Variants in CFAP61 observed in about 807,000 individuals in gnomAD.
CFAP61 encodes cilia and flagella associated protein 61, also known as cilia- and flagella-associated protein 61.
A neutral mutation model predicts 135.6 loss-of-function variants in CFAP61; 107 were observed. The ratio of observed to expected loss-of-function variants is 0.79; its 90% confidence interval spans 0.67 to 0.93. CFAP61 has a LOEUF of 0.93. CFAP61 is among the 40% of genes least tolerant of loss of function. The probability of loss-of-function intolerance (pLI) is 0.00; values close to 1 mark genes in which losing one functional copy is unlikely to be tolerated. For missense variants in CFAP61, 1,507 were observed against 1,556.2 expected, an observed-to-expected ratio of 0.97 and a Z score of 0.53; for synonymous variants, 575 against 578.5, an observed-to-expected ratio of 0.99 and a Z score of 0.09.
intron 13 of CFAP61, among the ~76,000 whole-genome samples, chr20:20,172,862 G>A (rs970011670): frequency 3.9e-5 from 6 of 152,158 alleles, no homozygotes; most frequent in South Asian, 2.1e-4. Context: ...TTGGACAAAC[G>A]TATAATGACA....
chr20:20,320,387 T>TATATATAATATATGTAATATATGTA (rs2057403256), intron 25 of CFAP61, among the ~76,000 whole-genome samples: 1 of 19,136 alleles, frequency 5.2e-5, no homozygotes, highest in Non-Finnish European at 1.5e-4. Context: ...ATATATGTAA[T>TATATATAATATATGTAATATATGTA]ATATATAATA....
At chr20:20,330,475 A>G (rs2057941863) in intron 25 of CFAP61, among the ~76,000 whole-genome samples, 1 of 152,112 alleles carries the variant, frequency 6.6e-6, no homozygotes, top group East Asian at 1.9e-4. Context: ...AGTTGGGATT[A>G]CAGGCATGTG....
At chr20:20,170,482 A>G (rs2054145011) in intron 13 of CFAP61, among the ~76,000 whole-genome samples, 1 of 152,234 alleles carries the variant, frequency 6.6e-6, no homozygotes, top group South Asian at 2.1e-4. Flanking sequence ...GGAAAAAACA[A>G]AAAACAAAAA....
At chr20:20,324,094 A>G (rs2057657524) in intron 25 of CFAP61, among the ~76,000 whole-genome samples, 1 of 152,204 alleles carries the variant, frequency 6.6e-6, no homozygotes, top group Admixed American at 6.5e-5. Flanking sequence ...TTTCCATTAA[A>G]ATTGTTTTAA....
intron 7 of CFAP61, among the ~76,000 whole-genome samples, chr20:20,091,986 C>T (rs1422203173): frequency 6.6e-6 from 1 of 152,160 alleles, no homozygotes; most frequent in Non-Finnish European, 1.5e-5. Context: ...CCAGCTAGTT[C>T]CTGCAATTCT....
At chr20:20,289,627 T>C (rs1344702591) in intron 23 of CFAP61, among the ~76,000 whole-genome samples, 1 of 152,194 alleles carries the variant, frequency 6.6e-6, no homozygotes. Flanking sequence ...CCCAGTCCAG[T>C]CAATGGAATG....
rs1375339043 is a variant in CFAP61, at chr20:20,055,447, A to T, written c.-36-1171A>T. ...AGCCCCCTCACTTACCGAGGGGCCCATCCAAAGTCCCAGGTAGATGCATGG... is the reference window on the plus strand; with the variant it reads ...AGCCCCCTCACTTACCGAGGGGCCCTTCCAAAGTCCCAGGTAGATGCATGG... On this transcript the variant is annotated intron_variant, in intron 1 of 26. Coordinates refer to ENST00000245957, the MANE Select transcript of CFAP61 (RefSeq NM_015585.4). Among the ~76,000 whole-genome samples, 3 of 152,178 alleles carry T rather than the reference A, an allele frequency of 2.0e-5. No individual in the cohort carries two copies. In the East Asian group the frequency reaches 5.8e-4, roughly 29 times the overall value.
At position 20,090,987 on chromosome 20, in the gene CFAP61, G is replaced by A. The variant is rs193043006; in HGVS notation, c.699+11G>A. On this transcript the variant is annotated intron_variant, in intron 7 of 26. Transcript: ENST00000245957. ...GCTGTTGTGTGTGAGGTCAGTGACTGATTCATGTGGGAACACACTTAGTGA... is the reference window on the plus strand; with the variant it reads ...GCTGTTGTGTGTGAGGTCAGTGACTAATTCATGTGGGAACACACTTAGTGA... 1.0e-3 allele frequency: 1,625 copies of A among 1,613,946 alleles called. 1 individual carries two copies. Among genetic ancestry groups the A allele is most frequent in the Non-Finnish European group, 9.9e-4 (1,173 of 1,179,878 alleles).
At chr20:20,279,643 C>A (rs568928392) in intron 22 of CFAP61, among the ~76,000 whole-genome samples, 1 of 152,286 alleles carries the variant, frequency 6.6e-6, no homozygotes, top group African/African-American at 2.4e-5. Flanking sequence ...ACACACAGTT[C>A]AAATCCATGT....
chr20:20,226,476 T>C (rs1158920889), intron 17 of CFAP61, among the ~76,000 whole-genome samples: 4 of 152,228 alleles, frequency 2.6e-5, no homozygotes, highest in Non-Finnish European at 5.9e-5. Context: ...CCAATGCATT[T>C]TGAAGTGGTT....
intron 19 of CFAP61, among the ~76,000 whole-genome samples, chr20:20,247,156 T>C (rs547405559): frequency 6.6e-6 from 1 of 152,234 alleles, no homozygotes; most frequent in African/African-American, 2.4e-5. Context: ...GCTTGCTGGA[T>C]TTTTTGTTAA....
chr20:20,256,024 G>A (rs2051525999), intron 20 of CFAP61, among the ~76,000 whole-genome samples: 1 of 152,156 alleles, frequency 6.6e-6, no homozygotes, highest in Non-Finnish European at 1.5e-5. Flanking sequence ...TGGAGACGCT[G>A]TAGGTGAGCT....
intron 12 of CFAP61, among the ~76,000 whole-genome samples, chr20:20,166,970 C>T (rs1035856224): frequency 2.6e-5 from 4 of 152,130 alleles, no homozygotes; most frequent in Non-Finnish European, 5.9e-5. Flanking sequence ...CAGGGTGTCC[C>T]GGGCTTCTGC....
intron 1 of CFAP61, among the ~76,000 whole-genome samples, chr20:20,053,699 A>T (rs898577433): frequency 7.2e-5 from 11 of 152,322 alleles, no homozygotes; most frequent in Non-Finnish European, 1.6e-4. Context: ...ATTTGCCATA[A>T]CTCTTTATTA....
intron 8 of CFAP61, among the ~76,000 whole-genome samples, chr20:20,127,245 G>C (rs2050138740): frequency 6.6e-6 from 1 of 151,558 alleles, no homozygotes; most frequent in Non-Finnish European, 1.5e-5. Context: ...TCTTGGTTTG[G>C]ATCCATTGCT....
chr20:20,350,705 C>A (rs1029544635), intron 26 of CFAP61, among the ~76,000 whole-genome samples: 1 of 152,178 alleles, frequency 6.6e-6, no homozygotes, highest in African/African-American at 2.4e-5. Flanking sequence ...ACATTCAAAG[C>A]AGCACTGTTT....
At chr20:20,104,403 C>T (rs961967200) in intron 8 of CFAP61, among the ~76,000 whole-genome samples, 2 of 152,120 alleles carry the variant, frequency 1.3e-5, no homozygotes, top group African/African-American at 2.4e-5. Flanking sequence ...CTCCCTGTGT[C>T]GGAGCTAAAA....
intron 25 of CFAP61, among the ~76,000 whole-genome samples, chr20:20,336,958 G>T (rs918765865): frequency 6.6e-6 from 1 of 152,212 alleles, no homozygotes; most frequent in Non-Finnish European, 1.5e-5. Flanking sequence ...TACCCTCAGT[G>T]CCCTTCACAT....
chr20:20,067,852 T>A (rs1489691127), intron 2 of CFAP61, among the ~76,000 whole-genome samples: 1 of 150,024 alleles, frequency 6.7e-6, no homozygotes, highest in Non-Finnish European at 1.5e-5. Flanking sequence ...TGGTGATTTT[T>A]ATCTGTGCTA....
Sources: gnomAD v4.1 joint callset for allele counts (sites outside exome capture counted in the v4.1 genomes callset) on GRCh38, gnomAD v4.1.1 for gene constraint, MANE v1.5 for transcripts, NCBI Gene and HGNC (gene_info 2026-07-23, HGNC 2026-07-21) for gene names.